Variants in TENM4 observed in about 807,000 individuals in gnomAD.
TENM4 encodes teneurin-4.
TENM4 carries 82 observed loss-of-function variants against 243.3 expected under a neutral mutation model. The observed-to-expected ratio is 0.34, with a 90% CI of 0.28 to 0.40. The LOEUF (loss-of-function observed/expected upper bound fraction) is 0.40, where lower values mean the gene tolerates loss of function less well. Ranked by LOEUF, TENM4 falls within the 10% of genes least tolerant of loss-of-function variation. The pLI is 1.00. For synonymous variants in TENM4, 1,412 were observed against 1,456.3 expected, an observed-to-expected ratio of 0.97 and a Z score of 0.69; for missense variants, 3,138 against 3,673.3, an observed-to-expected ratio of 0.85 and a Z score of 3.77.
chr11:79,418,693 A>C (rs538118542), intron 1 of TENM4, among the ~76,000 whole-genome samples: 42 of 152,176 alleles, frequency 2.8e-4, no homozygotes, highest in African/African-American at 1.0e-3. Context: ...TTCATGCTTC[A>C]CCTCTTCTGT....
chr11:79,199,598 G>T (rs983220618), intron 3 of TENM4, among the ~76,000 whole-genome samples: 3 of 152,208 alleles, frequency 2.0e-5, no homozygotes, highest in Admixed American at 6.5e-5. Context: ...AATGGGTGGA[G>T]CTCTCTCAGG....
intron 6 of TENM4, among the ~76,000 whole-genome samples, chr11:79,060,987 T>G (rs747524): frequency 0.73 from 111,202 of 151,950 alleles, 41,651 homozygotes; most frequent in Middle Eastern, 0.83. Flanking sequence ...TTGAGGTCAG[T>G]GGGAACTAGA....
intron 3 of TENM4, among the ~76,000 whole-genome samples, chr11:79,168,944 AC>A (rs999431549): frequency 2.0e-5 from 3 of 151,940 alleles, no homozygotes; most frequent in Non-Finnish European, 4.4e-5. Flanking sequence ...GGCCCAGTCT[AC>A]CCCCACCCAC....
intron 3 of TENM4, among the ~76,000 whole-genome samples, chr11:79,187,613 C>T (rs987426099): frequency 2.6e-5 from 4 of 152,176 alleles, no homozygotes; most frequent in Non-Finnish European, 5.9e-5. Flanking sequence ...ATGAATGGTG[C>T]CTCCCACTAG....
chr11:78,925,504 T>C (rs1856533944), intron 6 of TENM4, among the ~76,000 whole-genome samples: 1 of 151,918 alleles, frequency 6.6e-6, no homozygotes, highest in Non-Finnish European at 1.5e-5. Flanking sequence ...AGAGCTGGAG[T>C]CTGTTAGTGA....
chr11:78,881,328 T>C (rs1297738220), intron 9 of TENM4, among the ~76,000 whole-genome samples: 1 of 152,180 alleles, frequency 6.6e-6, no homozygotes, highest in Non-Finnish European at 1.5e-5. Flanking sequence ...CCTGGATCAA[T>C]GGTTCCCTTG....
rs61884094 is a variant in TENM4, at chr11:79,438,848, C to A, written c.-321+1661G>T. The A allele has an allele frequency of 0.08, 12,195 of 152,224 alleles. 541 individuals are homozygous for A. The highest frequency in any genetic ancestry group is 0.11 in the East Asian group (579 of 5,152). The allele number at this position is 152,224 out of a possible 1,614,324, so 9.4% of individuals were successfully genotyped here. A position where few individuals can be genotyped will look rare whatever the true frequency, so the allele number is the denominator to read the frequency against. ...CCCCACTTAGTCCCTGCCTCGGTAA[C>A]CGGTTCTTTGGGGACAGCAGCATCA... On this transcript the variant is annotated intron_variant, in intron 1 of 33. Transcript: ENST00000278550. The surrounding 1 kb of genome is among the most constrained non-coding windows in gnomAD (Gnocchi z 4.1).
intron 6 of TENM4, among the ~76,000 whole-genome samples, chr11:78,984,240 G>A (rs747610115): frequency 6.6e-6 from 1 of 152,170 alleles, no homozygotes; most frequent in Non-Finnish European, 1.5e-5. Context: ...CCTCTGCCTT[G>A]TTACACTCAT....
intron 1 of TENM4, among the ~76,000 whole-genome samples, chr11:79,430,418 T>G (rs2135608248): frequency 6.6e-6 from 1 of 152,302 alleles, no homozygotes; most frequent in African/African-American, 2.4e-5. Context: ...GTCCAGGTCC[T>G]GAGCCTGCCA....
intron 27 of TENM4, among the ~76,000 whole-genome samples, chr11:78,706,588 G>A (rs1859255713): frequency 6.6e-6 from 1 of 152,232 alleles, no homozygotes; most frequent in Non-Finnish European, 1.5e-5. Flanking sequence ...GACAAAGGTA[G>A]TGAGGGCCTT....
intron 1 of TENM4, among the ~76,000 whole-genome samples, chr11:79,331,242 T>TA (rs1009891841): frequency 1.3e-5 from 2 of 152,042 alleles, no homozygotes; most frequent in Non-Finnish European, 1.5e-5. Context: ...TTTTTTTTTT[T>TA]ACCCCTTTGC....
intron 12 of TENM4, among the ~76,000 whole-genome samples, chr11:78,848,149 CTCCT>C (rs1436735240): frequency 4.6e-5 from 7 of 151,304 alleles, no homozygotes; most frequent in African/African-American, 1.5e-4. Context: ...CCTTCCCTCC[CTCCT>C]TTTTTTTTTT....
rs774156074 is a variant in TENM4, at chr11:78,903,370, G to T, written c.647C>A (p.Thr216Lys). ...GGGCTCTCCGGAGAGCGAGTGGTCC[G>T]TGGGGGCCGGGCTGGGGTTGCTCCT... ...TPRSNPSPAP[T>K]DHSLSGEPPA... is the part of the protein sequence containing the mutation. The change falls in exon 7 of 34, where the codon ACG (threonine) becomes AAG (lysine). Residue 216 changes from threonine (T) to lysine (K), a missense_variant. By Grantham distance (78) the Thr-to-Lys change is moderately conservative. This residue lies in a region of TENM4 where 671 missense variants were observed against 614.1 expected (regional missense o/e 1.09). Transcript: ENST00000278550. The T allele has an allele frequency of 1.3e-5, 20 of 1,515,590 alleles. No homozygotes were observed. Among genetic ancestry groups the T allele is most frequent in the Non-Finnish European group, 1.6e-5 (18 of 1,131,270 alleles). The allele number at this position is 1,515,590 out of a possible 1,614,324, so 93.9% of individuals were successfully genotyped here. A position where few individuals can be genotyped will look rare whatever the true frequency, so the allele number is the denominator to read the frequency against.
At chr11:79,316,900 C>T (rs915090797) in intron 1 of TENM4, among the ~76,000 whole-genome samples, 5 of 152,172 alleles carry the variant, frequency 3.3e-5, no homozygotes, top group South Asian at 2.1e-4. Context: ...ATGCTTTGTT[C>T]GCTTCAAGGG....
chr11:78,966,427 C>A (rs1278860680), intron 6 of TENM4, among the ~76,000 whole-genome samples: 1 of 152,096 alleles, frequency 6.6e-6, no homozygotes, highest in African/African-American at 2.4e-5. Flanking sequence ...GAAAGTATGG[C>A]AAATCCTGTT....
At chr11:79,247,147 T>C (rs1024312982) in intron 2 of TENM4, among the ~76,000 whole-genome samples, 1 of 151,850 alleles carries the variant, frequency 6.6e-6, no homozygotes, top group Non-Finnish European at 1.5e-5. Context: ...CCAGGTGCGG[T>C]GTCTCACGCC....
At chr11:78,794,413 C>T (rs1053266422) in intron 15 of TENM4, among the ~76,000 whole-genome samples, 37 of 152,166 alleles carry the variant, frequency 2.4e-4, no homozygotes, top group South Asian at 8.3e-4. Flanking sequence ...CAGCGTTCTC[C>T]GTGAGGTAGG....
intron 4 of TENM4, among the ~76,000 whole-genome samples, chr11:79,147,119 C>T (rs961381999): frequency 6.6e-6 from 1 of 152,092 alleles, no homozygotes; most frequent in African/African-American, 2.4e-5. Context: ...CATCTGAGTT[C>T]CCCCCTTTCT....
intron 6 of TENM4, among the ~76,000 whole-genome samples, chr11:78,905,613 T>C (rs914577682): frequency 5.9e-5 from 9 of 152,176 alleles, no homozygotes; most frequent in African/African-American, 2.2e-4. Flanking sequence ...GGCCAGGAGA[T>C]GTACTGAGAC....
Sources: gnomAD v4.1 joint callset for allele counts (sites outside exome capture counted in the v4.1 genomes callset) on GRCh38, gnomAD v4.1.1 for gene constraint, gnomAD v4.1.1 regional missense constraint, Gnocchi (gnomAD v3.1) non-coding constraint, MANE v1.5 for transcripts, NCBI Gene and HGNC (gene_info 2026-07-23, HGNC 2026-07-21) for gene names.